Variants in PGM2 observed in about 807,000 individuals in gnomAD.
The protein encoded by PGM2 is phosphopentomutase.
Under a neutral mutation model 74.6 loss-of-function variants are expected in PGM2, and 57 were observed. That is an observed-to-expected ratio of 0.76 (90% CI 0.62 to 0.95). The LOEUF (loss-of-function observed/expected upper bound fraction) is 0.95, where lower values mean the gene tolerates loss of function less well. Ranked by LOEUF, PGM2 falls within the 40% of genes least tolerant of loss-of-function variation. The pLI is 0.00. For missense variants in PGM2, 706 were observed against 741.9 expected, an observed-to-expected ratio of 0.95 and a Z score of 0.56; for synonymous variants, 273 against 260.7, an observed-to-expected ratio of 1.05 and a Z score of -0.46.
At chr4:37,827,562 A>G (rs1180772228) in intron 1 of PGM2, among the ~76,000 whole-genome samples, 1 of 151,404 alleles carries the variant, frequency 6.6e-6, no homozygotes, top group Non-Finnish European at 1.5e-5. Flanking sequence ...GTTGTGACTC[A>G]TATTTTGTGC....
At chr4:37,847,344 A>G (rs1725905666) in intron 10 of PGM2, 49 bp downstream of exon 10, 2 of 1,358,144 alleles carry the variant, frequency 1.5e-6, no homozygotes, top group Non-Finnish European at 2.1e-6. Context: ...GGCAAAAGGA[A>G]AAGGTTTGGA....
chr4:37,827,837 G>T (rs948999689), intron 1 of PGM2, among the ~76,000 whole-genome samples: 1 of 152,128 alleles, frequency 6.6e-6, no homozygotes, highest in Non-Finnish European at 1.5e-5. Flanking sequence ...TTAATGTCCT[G>T]CTGTCCTGTC....
rs778250303 is a variant in PGM2 at position 37,840,066 on chromosome 4, G to T, written c.526G>T (p.Val176Phe). 3 of 1,612,246 alleles carry T rather than the reference G, an allele frequency of 1.9e-6. No homozygotes were observed. Among genetic ancestry groups the T allele is most frequent in the Non-Finnish European group, 2.5e-6 (3 of 1,178,544 alleles). ...CTGAATGTGTTCCTGGGTCCTCTAGGTCTATTGGGATAATGGAGCTCAGAT... is the reference window on the plus strand; with the variant it reads ...CTGAATGTGTTCCTGGGTCCTCTAGTTCTATTGGGATAATGGAGCTCAGAT... Reference protein sequence around the residue: ...HNPKQDNGYKVYWDNGAQIIS... With the variant: ...HNPKQDNGYKFYWDNGAQIIS... Residue 176 changes from valine (V) to phenylalanine (F), a missense_variant and splice_region_variant, in exon 6 of 14, where the codon GTC (valine) becomes TTC (phenylalanine). Around this residue, in one of 3 missense-constraint regions of PGM2, gnomAD observed 332 missense variants for 334.9 expected, o/e 0.99. Transcript: ENST00000381967.
At chr4:37,841,768 T>A (rs1005126813) in intron 6 of PGM2, among the ~76,000 whole-genome samples, 1 of 152,254 alleles carries the variant, frequency 6.6e-6, no homozygotes, top group African/African-American at 2.4e-5. Flanking sequence ...TTTCTGCTTT[T>A]CCACTCCAGG....
chr4:37,853,450 T>G (rs1028094814), intron 12 of PGM2, among the ~76,000 whole-genome samples: 1 of 152,044 alleles, frequency 6.6e-6, no homozygotes, highest in African/African-American at 2.4e-5. Context: ...AATATATGTC[T>G]TCTTTTTCTG....
chr4:37,855,787 C>T, intron 13 of PGM2, 46 bp downstream of exon 13: 2 of 1,513,230 alleles, frequency 1.3e-6, no homozygotes, highest in Non-Finnish European at 1.8e-6. Context: ...CCCCAGACTT[C>T]CTAACTGGTT....
At chr4:37,840,488 T>C (rs908782311) in intron 6 of PGM2, among the ~76,000 whole-genome samples, 10 of 152,206 alleles carry the variant, frequency 6.6e-5, no homozygotes, top group African/African-American at 2.4e-4. Context: ...GTTCAAGCGA[T>C]TCTTGTGCCT....
Position 37,851,961 on chromosome 4 carries a change from G to GTTTTCTTTCTTTTTTTTTTTTTTTTT in PGM2, c.1602+1591_1602+1592insTCTTTCTTTTTTTTTTTTTTTTTTTT, listed in dbSNP as rs1430228977. 4.4e-5 allele frequency among the ~76,000 whole-genome samples: 6 copies of GTTTTCTTTCTTTTTTTTTTTTTTTTT among 135,338 alleles called. 3 individuals are homozygous for GTTTTCTTTCTTTTTTTTTTTTTTTTT. 88.8% of individuals were successfully genotyped at this position (135,338 alleles called of 152,430 possible). A position where few individuals can be genotyped will look rare whatever the true frequency, so the allele number is the denominator to read the frequency against. On this transcript the variant is annotated intron_variant, in intron 12 of 13. Transcript: ENST00000381967. ...ATTGTATTTCCTGTACCTTTTGTTT[G>GTTTTCTTTCTTTTTTTTTTTTTTTTT]TTTGTTTTCTTTTTTTTTGGAGACA...
At chr4:37,832,779 T>C (rs562447868) in intron 2 of PGM2, among the ~76,000 whole-genome samples, 9 of 152,372 alleles carry the variant, frequency 5.9e-5, no homozygotes, top group African/African-American at 2.2e-4. Flanking sequence ...TCTGCCTTTC[T>C]GTAGACTTTA....
intron 6 of PGM2, among the ~76,000 whole-genome samples, chr4:37,842,021 T>C (rs1198002424): frequency 6.6e-6 from 1 of 152,208 alleles, no homozygotes; most frequent in Non-Finnish European, 1.5e-5. Flanking sequence ...TTCCTCCTGC[T>C]CTGTGATCCA....
At chr4:37,830,368 TACC>T (rs1447992625) in intron 2 of PGM2, among the ~76,000 whole-genome samples, 1 of 152,198 alleles carries the variant, frequency 6.6e-6, no homozygotes, top group Non-Finnish European at 1.5e-5. Flanking sequence ...ATTGAGTACA[TACC>T]ATGTGCCAGC....
At chr4:37,837,729 C>T (rs543534472) in intron 4 of PGM2, 116 bp downstream of exon 4, 26 of 743,176 alleles carry the variant, frequency 3.5e-5, no homozygotes, top group Non-Finnish European at 5.9e-5. Flanking sequence ...AGAGGAGTTC[C>T]TTGGCATGTA....
chr4:37,861,677 A>G lies in PGM2; in HGVS notation c.*65A>G, dbSNP rs2152183362. 2.9e-6 allele frequency: 3 copies of G among 1,031,536 alleles called. No homozygotes were observed. Among genetic ancestry groups the G allele is most frequent in the Admixed American group, 1.7e-5 (1 of 58,924 alleles). 63.9% of individuals were successfully genotyped at this position (1,031,536 alleles called of 1,614,324 possible). A position where few individuals can be genotyped will look rare whatever the true frequency, so the allele number is the denominator to read the frequency against. On this transcript the variant is annotated 3_prime_UTR_variant, in exon 14 of 14. Transcript: ENST00000381967. ...TAAGCTGGGTTTAACTTGTTAAGCA[A>G]TATTTTTAAGGGCCAAATGATTCAA...
chr4:37,850,183 G>A lies in PGM2; in HGVS notation c.1413-1G>A. 6.6e-7 allele frequency: 1 copy of A among 1,520,546 alleles called. No homozygotes were observed. Among genetic ancestry groups the A allele is most frequent in the South Asian group, 1.2e-5 (1 of 81,326 alleles). 94.2% of individuals were successfully genotyped at this position (1,520,546 alleles called of 1,614,324 possible). On this transcript the variant is annotated splice_acceptor_variant, in intron 11 of 13. Transcript: ENST00000381967. LOFTEE classifies it high-confidence loss of function. The stretch of plus-strand genomic sequence containing the variant: ...TGCATGAATTTGTATTTGTTTGATA[G>A]GTATGGCTACCATATTACTAAAGCT...
intron 6 of PGM2, among the ~76,000 whole-genome samples, chr4:37,843,315 T>C (rs553284993): frequency 1.3e-5 from 2 of 152,362 alleles, no homozygotes; most frequent in East Asian, 3.9e-4. Flanking sequence ...TTTTCTTCCC[T>C]AATCTTACAT....
chr4:37,841,551 G>A (rs1177236713), intron 6 of PGM2, among the ~76,000 whole-genome samples: 1 of 152,204 alleles, frequency 6.6e-6, no homozygotes. Context: ...TGCCAGCTGA[G>A]TGTTGCCCAC....
intron 13 of PGM2, among the ~76,000 whole-genome samples, chr4:37,858,515 T>TG (rs1711635261): frequency 1.4e-5 from 2 of 146,616 alleles, no homozygotes. Context: ...TTTTTGGTGT[T>TG]TTTTTTTTTT....
intron 12 of PGM2, among the ~76,000 whole-genome samples, chr4:37,853,753 C>T (rs1726113930): frequency 6.6e-6 from 1 of 152,158 alleles, no homozygotes; most frequent in Admixed American, 6.5e-5. Flanking sequence ...TGGGGCGGAG[C>T]TGGGGGTGTC....
At chr4:37,844,240 C>T (rs1725804122) in intron 6 of PGM2, 124 bp from the exon 7 acceptor site, 3 of 599,330 alleles carry the variant, frequency 5.0e-6, no homozygotes, top group Non-Finnish European at 9.0e-6. Flanking sequence ...AGAATGGATA[C>T]GTTTTGTTTT....
Sources: allele counts gnomAD v4.1 joint callset (sites outside exome capture counted in the v4.1 genomes callset), GRCh38; gene constraint gnomAD v4.1.1; regional missense constraint gnomAD v4.1.1; transcripts MANE v1.5; gene names NCBI Gene and HGNC (gene_info 2026-07-23, HGNC 2026-07-21).